DLG2: variants seen among roughly 807,000 people sequenced by gnomAD.
DLG2 encodes disks large homolog 2.
Under a neutral mutation model 132.5 loss-of-function variants are expected in DLG2, and 45 were observed. That is an observed-to-expected ratio of 0.34 (90% confidence interval 0.27 to 0.44). The LOEUF is 0.44. Ranked by LOEUF, DLG2 falls within the 20% of genes least tolerant of loss-of-function variation. DLG2 has a pLI of 1.00. For synonymous variants in DLG2, 424 were observed against 419.6 expected, an observed-to-expected ratio of 1.01 and a Z score of -0.13; for missense variants, 1,045 against 1,196.9, an observed-to-expected ratio of 0.87 and a Z score of 1.87.
At chr11:84,105,318 T>G (rs2092826290) in intron 9 of DLG2, among the ~76,000 whole-genome samples, 1 of 152,158 alleles carries the variant, frequency 6.6e-6, no homozygotes, top group Non-Finnish European at 1.5e-5. Flanking sequence ...TTGGATACAT[T>G]TTGAAACTAG....
intron 3 of DLG2, among the ~76,000 whole-genome samples, chr11:85,531,074 T>G (rs775290434): frequency 6.6e-6 from 1 of 152,248 alleles, no homozygotes; most frequent in Admixed American, 6.5e-5. Flanking sequence ...AAGAAACTCT[T>G]AATACAATGT....
intron 4 of DLG2, among the ~76,000 whole-genome samples, chr11:85,211,057 T>C (rs982303528): frequency 3.3e-5 from 5 of 152,166 alleles, no homozygotes; most frequent in African/African-American, 9.7e-5. Context: ...TATTAATTTG[T>C]TTATTTGTAG....
intron 3 of DLG2, among the ~76,000 whole-genome samples, chr11:85,305,019 T>C (rs2079847389): frequency 6.6e-6 from 1 of 152,222 alleles, no homozygotes; most frequent in Admixed American, 6.5e-5. Context: ...TGCCTGGAAT[T>C]GTAGGTTCTC....
At chr11:85,090,688 A>G (rs1338719975) in intron 6 of DLG2, among the ~76,000 whole-genome samples, 2 of 152,352 alleles carry the variant, frequency 1.3e-5, no homozygotes, top group East Asian at 3.9e-4. Context: ...ATATATAGGC[A>G]TACCTCAGAG....
intron 6 of DLG2, among the ~76,000 whole-genome samples, chr11:85,064,619 T>C (rs1353944585): frequency 2.0e-5 from 3 of 151,782 alleles, no homozygotes; most frequent in Non-Finnish European, 4.4e-5. Flanking sequence ...TAGTTAGTTT[T>C]ATCTCAACTT....
intron 7 of DLG2, among the ~76,000 whole-genome samples, chr11:84,285,491 A>C (rs944873285): frequency 6.6e-6 from 1 of 152,132 alleles, no homozygotes; most frequent in Non-Finnish European, 1.5e-5. Context: ...TCTGCCTCAA[A>C]TCTTCTCCCA....
intron 15 of DLG2, among the ~76,000 whole-genome samples, chr11:83,888,188 T>A (rs935651061): frequency 3.3e-5 from 5 of 151,790 alleles, no homozygotes; most frequent in African/African-American, 1.2e-4. Context: ...CATGATTGTA[T>A]ATCTAGAAAA....
chr11:83,711,836 C>G (rs1393069506), intron 18 of DLG2, among the ~76,000 whole-genome samples: 2 of 151,770 alleles, frequency 1.3e-5, no homozygotes, highest in East Asian at 3.9e-4. Flanking sequence ...TCATTTTAGA[C>G]TCTACTTGGT....
chr11:83,843,019 A>G (rs1181646373), intron 16 of DLG2, among the ~76,000 whole-genome samples: 1 of 152,136 alleles, frequency 6.6e-6, no homozygotes, highest in Non-Finnish European at 1.5e-5. Context: ...TCTAAAGAAC[A>G]TATCTTACCA....
At chr11:83,601,498 A>ATATGTGATGT (rs1271108790) in intron 19 of DLG2, among the ~76,000 whole-genome samples, 3 of 138,318 alleles carry the variant, frequency 2.2e-5, no homozygotes, top group Non-Finnish European at 3.1e-5. Context: ...CTGCAAAGTA[A>ATATGTGATGT]TATGTGATGT....
At chr11:84,352,561 A>C (rs954039184) in intron 7 of DLG2, among the ~76,000 whole-genome samples, 2 of 152,210 alleles carry the variant, frequency 1.3e-5, no homozygotes, top group African/African-American at 4.8e-5. Flanking sequence ...GCCACAAAAA[A>C]AGATTCCTGC....
At chr11:85,253,489 T>A (rs1199345934) in intron 4 of DLG2, among the ~76,000 whole-genome samples, 1 of 152,042 alleles carries the variant, frequency 6.6e-6, no homozygotes, top group African/African-American at 2.4e-5. Context: ...TAGAAGCAGG[T>A]GCAGGAGCCA....
chr11:84,333,382 T>C (rs568591742), intron 7 of DLG2, among the ~76,000 whole-genome samples: 67 of 152,314 alleles, frequency 4.4e-4, no homozygotes, highest in African/African-American at 5.8e-4. Context: ...ACGTCAACCA[T>C]TGGGTTTGGT....
intron 7 of DLG2, among the ~76,000 whole-genome samples, chr11:84,264,468 G>A (rs766799040): frequency 1.3e-5 from 2 of 152,170 alleles, no homozygotes; most frequent in Non-Finnish European, 2.9e-5. Flanking sequence ...TAAAGAAGGA[G>A]GAATATTATC....
At chr11:83,784,074 C>A (rs59316588) in intron 18 of DLG2, among the ~76,000 whole-genome samples, 1 of 152,046 alleles carries the variant, frequency 6.6e-6, no homozygotes, top group Non-Finnish European at 1.5e-5. Context: ...TTGATTATGA[C>A]TGAAAAATGT....
intron 6 of DLG2, among the ~76,000 whole-genome samples, chr11:84,593,816 A>G (rs528079632): frequency 6.6e-6 from 1 of 152,312 alleles, no homozygotes; most frequent in South Asian, 2.1e-4. Context: ...AAAGAAAAAG[A>G]AAAAAGAGAT....
intron 4 of DLG2, among the ~76,000 whole-genome samples, chr11:85,249,841 T>A (rs181934711): frequency 6.6e-6 from 1 of 152,290 alleles, no homozygotes; most frequent in East Asian, 1.9e-4. Context: ...TTCCTTGTAG[T>A]GGGACTTCAT....
intron 21 of DLG2, among the ~76,000 whole-genome samples, chr11:83,526,590 A>T (rs1181659282): frequency 6.6e-6 from 1 of 152,160 alleles, no homozygotes; most frequent in Non-Finnish European, 1.5e-5. Flanking sequence ...GCCCAGAGAA[A>T]ATCAACCTGG....
chr11:84,162,145 CATTTTT>C (rs1476047262), intron 9 of DLG2, among the ~76,000 whole-genome samples: 5 of 152,088 alleles, frequency 3.3e-5, no homozygotes, highest in East Asian at 1.9e-4. Context: ...AAAATATTTA[CATTTTT>C]ATTTCTTATA....
Sources: gnomAD v4.1 joint callset for allele counts (sites outside exome capture counted in the v4.1 genomes callset) on GRCh38, gnomAD v4.1.1 for gene constraint, MANE v1.5 for transcripts, NCBI Gene and HGNC (gene_info 2026-07-23, HGNC 2026-07-21) for gene names.